Variants in COBL observed in about 807,000 individuals in gnomAD.
COBL encodes protein cordon-bleu.
A neutral mutation model predicts 98.8 loss-of-function variants in COBL; 51 were observed. The observed-to-expected ratio is 0.52, with a 90% CI of 0.41 to 0.65. The LOEUF (loss-of-function observed/expected upper bound fraction) is 0.65, where lower values mean the gene tolerates loss of function less well. Ranked by LOEUF, COBL falls within the 30% of genes least tolerant of loss-of-function variation. The probability of loss-of-function intolerance (pLI) is 0.00; values close to 1 mark genes in which losing one functional copy is unlikely to be tolerated. For synonymous variants in COBL, 634 were observed against 651.7 expected, an observed-to-expected ratio of 0.97 and a Z score of 0.41; for missense variants, 1,617 against 1,617.5, an observed-to-expected ratio of 1.00 and a Z score of 0.01.
intron 6 of COBL, among the ~76,000 whole-genome samples, chr7:51,110,227 T>C (rs560500816): frequency 2.6e-4 from 40 of 152,302 alleles, no homozygotes; most frequent in South Asian, 1.5e-3. Flanking sequence ...TAATTGAACT[T>C]TTATATCCAT....
chr7:51,272,271 A>AT (rs1563112424), intron 1 of COBL, among the ~76,000 whole-genome samples: 1 of 152,028 alleles, frequency 6.6e-6, no homozygotes, highest in South Asian at 2.1e-4. Context: ...TCAAGGTATG[A>AT]TTTTTTTCCA....
At chr7:51,189,486 T>C (rs928235713) in intron 4 of COBL, among the ~76,000 whole-genome samples, 1 of 152,018 alleles carries the variant, frequency 6.6e-6, no homozygotes, top group Non-Finnish European at 1.5e-5. Flanking sequence ...ACACAAAAAT[T>C]AGCCGGGCAT....
At position 51,024,857 on chromosome 7, in the gene COBL, T is replaced by A. The variant is rs192584169; in HGVS notation, c.3768+252A>T. On this transcript the variant is annotated intron_variant, in intron 12 of 12. Coordinates refer to ENST00000265136, the MANE Select transcript of COBL (RefSeq NM_015198.5). ...AGTGGGGTTTAGATTCCACCTGTCA[T>A]CATCACCAAGGAGCTGAGGACTGGA... Among the ~76,000 whole-genome samples, 807 of 152,242 alleles carry A rather than the reference T, an allele frequency of 5.3e-3. 30 individuals carry two copies. Among genetic ancestry groups the A allele is most frequent in the Admixed American group, 0.048 (739 of 15,294 alleles).
At chr7:51,305,257 T>A (rs1034693400) in intron 1 of COBL, among the ~76,000 whole-genome samples, 2 of 152,206 alleles carry the variant, frequency 1.3e-5, no homozygotes, top group Admixed American at 6.5e-5. Context: ...CATGGGTAAA[T>A]CATGAAAGCC....
At chr7:51,035,700 C>T (rs1263754158) in intron 8 of COBL, 1 of 152,104 alleles carries the variant, frequency 6.6e-6, no homozygotes, top group Non-Finnish European at 1.5e-5. Context: ...GTGATTTCTG[C>T]CAATAATTAA....
At chr7:51,144,825 C>T (rs1003235456) in intron 5 of COBL, among the ~76,000 whole-genome samples, 1 of 152,204 alleles carries the variant, frequency 6.6e-6, no homozygotes, top group Non-Finnish European at 1.5e-5. Flanking sequence ...TTGGCTTTCA[C>T]TTAGCATAAT....
At position 51,028,954 on chromosome 7, in the gene COBL, C is replaced by T. The variant is rs927072782; in HGVS notation, c.2142G>A (p.Lys714=). 6.2e-7 allele frequency: 1 copy of T among 1,614,172 alleles called. No homozygotes were observed. Among genetic ancestry groups the T allele is most frequent in the East Asian group, 2.2e-5 (1 of 44,878 alleles). The change falls in exon 10 of 13, where the codon AAG becomes AAA. Residue 714 remains lysine (K), a synonymous_variant. Transcript: ENST00000265136. The part of the protein sequence containing the change: ...GLTTYKIIPP[K]SEMRCYDRDV... ...CTCTGTCGTAACATCGCATCTCTGA[C>T]TTTGGAGGAATGATTTTATACGTTG...
At chr7:51,078,634 T>A (rs1793318953) in intron 7 of COBL, among the ~76,000 whole-genome samples, 1 of 152,242 alleles carries the variant, frequency 6.6e-6, no homozygotes, top group Non-Finnish European at 1.5e-5. Context: ...GCATTGACTA[T>A]TCCATAGTTT....
chr7:51,075,046 T>G (rs1792932398), intron 7 of COBL, among the ~76,000 whole-genome samples: 1 of 152,290 alleles, frequency 6.6e-6, no homozygotes, highest in Non-Finnish European at 1.5e-5. Context: ...CATCAGACAG[T>G]AAGATGAGAA....
At chr7:51,104,330 A>G (rs750801029) in intron 6 of COBL, among the ~76,000 whole-genome samples, 1 of 152,194 alleles carries the variant, frequency 6.6e-6, no homozygotes, top group Non-Finnish European at 1.5e-5. Flanking sequence ...GATGATGACC[A>G]AAAAGATTAT....
At chr7:51,204,484 G>GA (rs910991172) in intron 2 of COBL, among the ~76,000 whole-genome samples, 5 of 148,480 alleles carry the variant, frequency 3.4e-5, no homozygotes, top group South Asian at 2.1e-4. Context: ...TCAACAACAA[G>GA]AAAAAACCGT....
intron 2 of COBL, among the ~76,000 whole-genome samples, chr7:51,214,194 A>G (rs1792779849): frequency 6.6e-6 from 1 of 152,056 alleles, no homozygotes; most frequent in Admixed American, 6.6e-5. Flanking sequence ...TGAACCTCGG[A>G]GGCAGAGGTT....
At chr7:51,065,076 C>T (rs1470738550) in intron 7 of COBL, 2 of 650,452 alleles carry the variant, frequency 3.1e-6, no homozygotes, top group East Asian at 2.7e-5. Context: ...AGAAGTCGGT[C>T]CATAGAAAAC....
chr7:51,182,081 A>G (rs1789023737), intron 5 of COBL, among the ~76,000 whole-genome samples: 1 of 152,156 alleles, frequency 6.6e-6, no homozygotes, highest in Non-Finnish European at 1.5e-5. Flanking sequence ...AAGAAGACAC[A>G]AAGAGAACAA....
chr7:51,141,901 G>T (rs1477650693), intron 5 of COBL, among the ~76,000 whole-genome samples: 1 of 152,178 alleles, frequency 6.6e-6, no homozygotes, highest in Non-Finnish European at 1.5e-5. Context: ...GTAAGGGCAA[G>T]GCCAACTTTC....
intron 6 of COBL, among the ~76,000 whole-genome samples, chr7:51,089,864 T>C (rs1231692519): frequency 6.6e-6 from 1 of 151,934 alleles, no homozygotes; most frequent in Admixed American, 6.6e-5. Context: ...ACACTTAAAA[T>C]CAACCCTCTT....
chr7:51,307,171 C>T (rs1338718973), intron 1 of COBL, among the ~76,000 whole-genome samples: 2 of 151,970 alleles, frequency 1.3e-5, no homozygotes, highest in African/African-American at 4.8e-5. Flanking sequence ...ATGGTGAAAC[C>T]CCGGCTCTAC....
intron 1 of COBL, among the ~76,000 whole-genome samples, chr7:51,239,753 T>A (rs1414754158): frequency 2.0e-5 from 3 of 152,184 alleles, no homozygotes; most frequent in Non-Finnish European, 4.4e-5. Context: ...TCCACACTCA[T>A]GTCTCACTTT....
intron 5 of COBL, among the ~76,000 whole-genome samples, chr7:51,153,300 AC>A (rs1386403285): frequency 3.0e-4 from 46 of 152,324 alleles, no homozygotes; most frequent in African/African-American, 1.1e-3. Context: ...CTTTATTGTT[AC>A]CAATTAATTA....
Sources: allele counts gnomAD v4.1 joint callset (sites outside exome capture counted in the v4.1 genomes callset), GRCh38; gene constraint gnomAD v4.1.1; transcripts MANE v1.5; gene names NCBI Gene and HGNC (gene_info 2026-07-23, HGNC 2026-07-21).